IPMK: variants seen among roughly 807,000 people sequenced by gnomAD.
IPMK encodes inositol polyphosphate multikinase, also known as inositol 1,3,4,6-tetrakisphosphate 5-kinase.
A neutral mutation model predicts 45.8 loss-of-function variants in IPMK; 17 were observed. The observed-to-expected ratio is 0.37, with a 90% CI of 0.25 to 0.56. The LOEUF (loss-of-function observed/expected upper bound fraction) is 0.56, where lower values mean the gene tolerates loss of function less well. Among genes scored for constraint, IPMK ranks in the 20% least tolerant of loss-of-function variants. The pLI is 0.79. For synonymous variants in IPMK, 180 were observed against 184.3 expected (o/e 0.98, Z 0.19); for missense variants, 399 against 498.0 (o/e 0.80, Z 1.89).
In IPMK at chr10:58,207,273, G is replaced by T. The variant is rs114762195; in HGVS notation, c.547-7952C>A. Among the ~76,000 whole-genome samples, 793 of 152,354 alleles carry T rather than the reference G, an allele frequency of 5.2e-3. 5 individuals are homozygous for T. Among genetic ancestry groups the T allele is most frequent in the African/African-American group, 0.018 (751 of 41,582 alleles). ...CTGCCTCGGCCTCCCGAAGTGCTGG[G>T]ATTACAGGCAATCACATTTTCTTTA... On this transcript the variant is annotated intron_variant, in intron 4 of 5. Coordinates refer to ENST00000373935, the MANE Select transcript of IPMK (RefSeq NM_152230.5).
intron 4 of IPMK, among the ~76,000 whole-genome samples, chr10:58,201,781 C>T (rs981119745): frequency 6.6e-6 from 1 of 152,148 alleles, no homozygotes; most frequent in African/African-American, 2.4e-5. Flanking sequence ...AACAGCCAAG[C>T]TATGAATGCA....
chr10:58,215,798 A>G (rs964184177), intron 4 of IPMK, among the ~76,000 whole-genome samples: 4 of 152,152 alleles, frequency 2.6e-5, no homozygotes, highest in Non-Finnish European at 5.9e-5. Flanking sequence ...TCTCATGGGA[A>G]AATCATAAAC....
At chr10:58,223,763 T>C (rs895535399) in intron 3 of IPMK, among the ~76,000 whole-genome samples, 2 of 152,196 alleles carry the variant, frequency 1.3e-5, no homozygotes, top group African/African-American at 2.4e-5. Flanking sequence ...GATTGGATTA[T>C]GGGGTGTTTT....
chr10:58,259,178 C>G (rs1415798791), intron 1 of IPMK, among the ~76,000 whole-genome samples: 1 of 152,090 alleles, frequency 6.6e-6, no homozygotes, highest in African/African-American at 2.4e-5. Context: ...CACCTAGTGG[C>G]CAGACCATAG....
intron 3 of IPMK, among the ~76,000 whole-genome samples, chr10:58,221,468 CAAT>C (rs918253527): frequency 6.6e-6 from 1 of 151,808 alleles, no homozygotes; most frequent in Non-Finnish European, 1.5e-5. Flanking sequence ...TTCTTTGATG[CAAT>C]AATAACATAA....
At chr10:58,224,349 C>A (rs1838381753) in intron 3 of IPMK, among the ~76,000 whole-genome samples, 1 of 152,110 alleles carries the variant, frequency 6.6e-6, no homozygotes, top group Non-Finnish European at 1.5e-5. Flanking sequence ...CATGTATTAG[C>A]CTTTTATGTG....
chr10:58,241,071 A>T (rs2790213), intron 1 of IPMK, among the ~76,000 whole-genome samples: 1 of 152,230 alleles, frequency 6.6e-6, no homozygotes, highest in Admixed American at 6.5e-5. Flanking sequence ...ATTCTCCAAC[A>T]CTGGGAGGGT....
chr10:58,224,523 T>G (rs1224301909), intron 3 of IPMK, among the ~76,000 whole-genome samples: 2 of 152,178 alleles, frequency 1.3e-5, no homozygotes, highest in Admixed American at 1.3e-4. Context: ...AACCACTGAG[T>G]TGTATGCTTT....
intron 1 of IPMK, among the ~76,000 whole-genome samples, chr10:58,255,404 G>C (rs1838950002): frequency 6.6e-6 from 1 of 152,162 alleles, no homozygotes; most frequent in Non-Finnish European, 1.5e-5. Context: ...TTTTCTGTGA[G>C]TGGTGTCATG....
chr10:58,230,454 G>A (rs1389683093), intron 2 of IPMK, among the ~76,000 whole-genome samples: 3 of 152,200 alleles, frequency 2.0e-5, no homozygotes, highest in Admixed American at 1.3e-4. Flanking sequence ...AAAGCTTCCA[G>A]AGGAAGGATC....
Position 58,208,034 on chromosome 10 carries a change from G to A in IPMK, c.546+8111C>T, listed in dbSNP as rs533425608. 3.9e-4 allele frequency among the ~76,000 whole-genome samples: 59 copies of A among 152,042 alleles called. No homozygotes were observed. In the South Asian group the frequency reaches 7.1e-3, roughly 18 times the overall value. Reference sequence around the variant, plus strand: ...CGGCTCACTGCAAGCTCCACCTCCCGGGTTCACGCCATTCTCCTGCCTCAG... The same window carrying A: ...CGGCTCACTGCAAGCTCCACCTCCCAGGTTCACGCCATTCTCCTGCCTCAG... On this transcript the variant is annotated intron_variant, in intron 4 of 5. Transcript: ENST00000373935.
chr10:58,202,170 G>T (rs571976547), intron 4 of IPMK, among the ~76,000 whole-genome samples: 28 of 152,278 alleles, frequency 1.8e-4, no homozygotes, highest in South Asian at 1.0e-3. Context: ...ACTGATGAAG[G>T]TATCTACCCC....
At chr10:58,258,496 T>C (rs1325922749) in intron 1 of IPMK, among the ~76,000 whole-genome samples, 3 of 152,092 alleles carry the variant, frequency 2.0e-5, no homozygotes, top group Non-Finnish European at 4.4e-5. Context: ...GTCTAAAATC[T>C]AACAAGATTG....
intron 5 of IPMK, among the ~76,000 whole-genome samples, chr10:58,197,231 T>C (rs951642542): frequency 8.1e-5 from 12 of 148,826 alleles, no homozygotes; most frequent in African/African-American, 2.5e-4. Flanking sequence ...ACCCGGGAGG[T>C]GGAGCTTGCA....
At chr10:58,230,699 T>G (rs1444368282) in intron 2 of IPMK, among the ~76,000 whole-genome samples, 1 of 152,096 alleles carries the variant, frequency 6.6e-6, no homozygotes, top group African/African-American at 2.4e-5. Flanking sequence ...CAAAGGTAGA[T>G]AAAACCACAA....
intron 3 of IPMK, among the ~76,000 whole-genome samples, chr10:58,216,685 TTAA>T (rs1212837697): frequency 6.6e-6 from 1 of 152,172 alleles, no homozygotes; most frequent in Non-Finnish European, 1.5e-5. Context: ...TCTTAGTATT[TTAA>T]TAATTTTTAA....
chr10:58,264,398 A>C (rs1224416878), intron 1 of IPMK, among the ~76,000 whole-genome samples: 1 of 152,192 alleles, frequency 6.6e-6, no homozygotes, highest in Non-Finnish European at 1.5e-5. Flanking sequence ...TCTCCCCCAC[A>C]ACAATTATCA....
chr10:58,230,068 TCTGAGATCGAACTGCGAGGCAGCAGC>T (rs1467898437), intron 2 of IPMK, among the ~76,000 whole-genome samples: 1 of 152,074 alleles, frequency 6.6e-6, no homozygotes, highest in African/African-American at 2.4e-5. Flanking sequence ...AGCGCAGCAG[TCTGAGATCGAACTGCGAGGCAGCAGC>T]CTGGCTGGGG....
intron 2 of IPMK, among the ~76,000 whole-genome samples, chr10:58,229,871 G>C (rs974998825): frequency 6.6e-6 from 1 of 152,144 alleles, no homozygotes; most frequent in South Asian, 2.1e-4. Context: ...CCTCACCAGG[G>C]AAGCACAAGG....
Sources: allele counts gnomAD v4.1 joint callset (sites outside exome capture counted in the v4.1 genomes callset), GRCh38; gene constraint gnomAD v4.1.1; transcripts MANE v1.5; gene names NCBI Gene and HGNC (gene_info 2026-07-23, HGNC 2026-07-21).